The following ASIC2 variants were observed in gnomAD, a reference collection of about 807,000 sequenced individuals.
ASIC2 encodes acid-sensing ion channel 2.
ASIC2 carries 25 observed loss-of-function variants against 57.3 expected under a neutral mutation model. That is an observed-to-expected ratio of 0.44 (90% CI 0.32 to 0.61). The LOEUF (loss-of-function observed/expected upper bound fraction) is 0.61. Among genes scored for constraint, ASIC2 ranks in the 20% least tolerant of loss-of-function variants. The pLI, the probability that ASIC2 is intolerant of heterozygous loss-of-function variation, is 0.06. For synonymous variants in ASIC2, 319 were observed against 307.5 expected, an observed-to-expected ratio of 1.04 and a Z score of -0.39; for missense variants, 641 against 738.1, an observed-to-expected ratio of 0.87 and a Z score of 1.52.
chr17:33,478,694 T>A (rs1031561419), intron 1 of ASIC2, among the ~76,000 whole-genome samples: 11 of 152,124 alleles, frequency 7.2e-5, no homozygotes, highest in Admixed American at 1.3e-4. Context: ...AGTCCCTGGG[T>A]CCCCTAGTTC....
chr17:33,031,961 T>A (rs1257878863), intron 3 of ASIC2, among the ~76,000 whole-genome samples: 3 of 152,242 alleles, frequency 2.0e-5, no homozygotes, highest in African/African-American at 7.2e-5. Context: ...TTCATCCTTC[T>A]ACTTTTAACT....
intron 1 of ASIC2, among the ~76,000 whole-genome samples, chr17:33,945,744 A>C (rs1208418546): frequency 6.6e-6 from 1 of 152,134 alleles, no homozygotes; most frequent in Non-Finnish European, 1.5e-5. Flanking sequence ...CCGTGATCTG[A>C]CTCAGCTCCC....
chr17:34,005,520 T>G (rs1006415059), intron 1 of ASIC2: 2 of 146,418 alleles, frequency 1.4e-5, no homozygotes, highest in Non-Finnish European at 2.9e-5. Flanking sequence ...CCACTTCTAG[T>G]TCCCCCCGCC....
chr17:33,409,698 G>A (rs1388535657), intron 1 of ASIC2, among the ~76,000 whole-genome samples: 1 of 152,170 alleles, frequency 6.6e-6, no homozygotes, highest in Non-Finnish European at 1.5e-5. Context: ...TGCGGAGGAG[G>A]AGGCCGAGGG....
intron 1 of ASIC2, among the ~76,000 whole-genome samples, chr17:33,821,183 CT>C (rs1024936131): frequency 4.6e-5 from 7 of 152,170 alleles, no homozygotes; most frequent in African/African-American, 7.2e-5. Context: ...CAAATCCCAT[CT>C]TAACATTGGC....
chr17:33,925,684 G>T (rs747698078), intron 1 of ASIC2, among the ~76,000 whole-genome samples: 1 of 152,194 alleles, frequency 6.6e-6, no homozygotes, highest in South Asian at 2.1e-4. Context: ...CCATGGCCCA[G>T]GTTCTTCTAA....
chr17:33,196,511 C>G (rs1906635131), intron 1 of ASIC2, among the ~76,000 whole-genome samples: 1 of 152,164 alleles, frequency 6.6e-6, no homozygotes, highest in Admixed American at 6.5e-5. Flanking sequence ...AGCTGAAGAG[C>G]ATACATAGAA....
chr17:33,030,524 C>T (rs1291436524), intron 3 of ASIC2, among the ~76,000 whole-genome samples: 2 of 151,966 alleles, frequency 1.3e-5, no homozygotes, highest in Admixed American at 1.3e-4. Flanking sequence ...CTTTTTCTTA[C>T]CTTGCTGTAT....
At chr17:33,101,576 C>A (rs1021976939) in intron 2 of ASIC2, among the ~76,000 whole-genome samples, 1 of 152,152 alleles carries the variant, frequency 6.6e-6, no homozygotes, top group Non-Finnish European at 1.5e-5. Context: ...ATCCTGTCTA[C>A]CCAATTTCTA....
intron 1 of ASIC2, among the ~76,000 whole-genome samples, chr17:33,351,653 A>G (rs1436937363): frequency 6.6e-6 from 1 of 152,178 alleles, no homozygotes; most frequent in Non-Finnish European, 1.5e-5. Flanking sequence ...GTGATTATGA[A>G]ATGCTTGATT....
At chr17:33,761,167 T>A (rs1200801893) in intron 1 of ASIC2, among the ~76,000 whole-genome samples, 1 of 152,200 alleles carries the variant, frequency 6.6e-6, no homozygotes, top group Non-Finnish European at 1.5e-5. Flanking sequence ...ATGTCCAAAC[T>A]TTCTGCCACC....
chr17:33,754,262 G>A (rs996494711), intron 1 of ASIC2, among the ~76,000 whole-genome samples: 2 of 152,048 alleles, frequency 1.3e-5, no homozygotes, highest in Non-Finnish European at 2.9e-5. Flanking sequence ...GGATGATGGT[G>A]GGGGGAGGGG....
In ASIC2 at chr17:33,234,145, G is replaced by A. The variant is rs117857705; in HGVS notation, c.708+57263C>T. On this transcript the variant is annotated intron_variant, in intron 1 of 9. Coordinates refer to ENST00000225823, the MANE Select transcript of ASIC2 (RefSeq NM_183377.2). ...TTACAACCACCAGAATGCCTGGAGCGATTTTTTTTCTTTGAAGTTAGCAGC... is the reference window on the plus strand; with the variant it reads ...TTACAACCACCAGAATGCCTGGAGCAATTTTTTTTCTTTGAAGTTAGCAGC... Among the ~76,000 whole-genome samples the A allele has an allele frequency of 4.5e-3, 690 of 152,308 alleles. 2 individuals are homozygous for A. Among genetic ancestry groups the A allele is most frequent in the Admixed American group, 8.6e-3 (131 of 15,300 alleles).
chr17:33,658,974 A>G (rs1597824394), intron 1 of ASIC2, among the ~76,000 whole-genome samples: 1 of 152,152 alleles, frequency 6.6e-6, no homozygotes, highest in African/African-American at 2.4e-5. Flanking sequence ...CTGCACTCCA[A>G]CCTGGGCAAC....
chr17:33,804,427 C>T (rs1221991616), intron 1 of ASIC2, among the ~76,000 whole-genome samples: 1 of 152,122 alleles, frequency 6.6e-6, no homozygotes, highest in Non-Finnish European at 1.5e-5. Flanking sequence ...GAAGCCTCCA[C>T]CCACTGGGCA....
At chr17:33,827,065 A>T (rs1434646084) in intron 1 of ASIC2, among the ~76,000 whole-genome samples, 1 of 152,158 alleles carries the variant, frequency 6.6e-6, no homozygotes, top group Non-Finnish European at 1.5e-5. Flanking sequence ...TGTATGTTAG[A>T]AATAGTCTGA....
chr17:33,247,661 C>T (rs901328322), intron 1 of ASIC2, among the ~76,000 whole-genome samples: 1 of 152,172 alleles, frequency 6.6e-6, no homozygotes, highest in Middle Eastern at 3.2e-3. Context: ...AGAACTGACC[C>T]AGCAGAAGGA....
At chr17:34,035,104 A>G (rs1020369162) in intron 1 of ASIC2, among the ~76,000 whole-genome samples, 1 of 150,656 alleles carries the variant, frequency 6.6e-6, no homozygotes, top group African/African-American at 2.5e-5. Context: ...ACCTGACTTC[A>G]AACTATACTA....
intron 3 of ASIC2, among the ~76,000 whole-genome samples, chr17:33,077,997 A>G (rs189991445): frequency 6.6e-6 from 1 of 152,298 alleles, no homozygotes; most frequent in East Asian, 1.9e-4. Flanking sequence ...TTTAAAAAAA[A>G]GTCAGAAACC....
Sources: gnomAD v4.1 joint callset for allele counts (sites outside exome capture counted in the v4.1 genomes callset) on GRCh38, gnomAD v4.1.1 for gene constraint, MANE v1.5 for transcripts, NCBI Gene and HGNC (gene_info 2026-07-23, HGNC 2026-07-21) for gene names.